Variants in ARHGAP15 observed in about 807,000 individuals in gnomAD.
ARHGAP15 encodes rho GTPase-activating protein 15.
In ARHGAP15, 51 loss-of-function variants were observed where a neutral mutation model predicts 63.7. That is an observed-to-expected ratio of 0.80 (90% CI 0.64 to 1.01). The LOEUF (loss-of-function observed/expected upper bound fraction) is 1.01, where lower values mean the gene tolerates loss of function less well. Ranked by LOEUF, ARHGAP15 falls within the 50% of genes least tolerant of loss-of-function variation. The probability of loss-of-function intolerance (pLI) is 0.00; values close to 1 mark genes in which losing one functional copy is unlikely to be tolerated. For missense variants in ARHGAP15, 560 were observed against 564.6 expected, an observed-to-expected ratio of 0.99 and a Z score of 0.08; for synonymous variants, 191 against 193.8, an observed-to-expected ratio of 0.99 and a Z score of 0.12.
chr2:143,252,278 A>G (rs1680194531), intron 6 of ARHGAP15, among the ~76,000 whole-genome samples: 1 of 152,044 alleles, frequency 6.6e-6, no homozygotes, highest in South Asian at 2.1e-4. Context: ...ATAACTATGA[A>G]CATTATATGC....
intron 11 of ARHGAP15, among the ~76,000 whole-genome samples, chr2:143,567,671 A>G (rs1696285129): frequency 6.6e-6 from 1 of 152,178 alleles, no homozygotes; most frequent in Admixed American, 6.5e-5. Context: ...AGGACCCCCA[A>G]ACTCAGGTGA....
At chr2:143,269,755 GA>G (rs1346736042) in intron 6 of ARHGAP15, among the ~76,000 whole-genome samples, 1 of 151,844 alleles carries the variant, frequency 6.6e-6, no homozygotes, top group East Asian at 1.9e-4. Flanking sequence ...AGAAAATCAA[GA>G]GGAAAATTAT....
intron 12 of ARHGAP15, among the ~76,000 whole-genome samples, chr2:143,673,742 G>GTATA (rs1313470042): frequency 3.9e-5 from 1 of 25,902 alleles, no homozygotes; most frequent in Non-Finnish European, 1.7e-4. Context: ...GTGTGTGTGT[G>GTATA]TGTGTGTGTG....
intron 5 of ARHGAP15, chr2:143,237,871 C>G (rs528795184): frequency 6.6e-6 from 1 of 152,206 alleles, no homozygotes; most frequent in Admixed American, 6.5e-5. Flanking sequence ...TTTTTTGTTA[C>G]TCTTATGTTT....
chr2:143,488,994 G>A (rs190570509), intron 9 of ARHGAP15, among the ~76,000 whole-genome samples: 2 of 152,276 alleles, frequency 1.3e-5, no homozygotes, highest in African/African-American at 4.8e-5. Context: ...AGTACCTTCA[G>A]TTCTGCCTTA....
At chr2:143,423,697 T>C (rs1689026490) in intron 6 of ARHGAP15, among the ~76,000 whole-genome samples, 1 of 152,128 alleles carries the variant, frequency 6.6e-6, no homozygotes, top group Admixed American at 6.6e-5. Flanking sequence ...CAGGAGACAA[T>C]CAATGAATCA....
intron 11 of ARHGAP15, among the ~76,000 whole-genome samples, chr2:143,564,631 G>GA (rs1488444946): frequency 2.6e-5 from 4 of 151,972 alleles, no homozygotes; most frequent in African/African-American, 7.2e-5. Context: ...ATTTGCATTT[G>GA]AAAAAAGGGG....
At chr2:143,575,269 T>C (rs888343786) in intron 11 of ARHGAP15, among the ~76,000 whole-genome samples, 29 of 152,166 alleles carry the variant, frequency 1.9e-4, no homozygotes, top group Non-Finnish European at 1.0e-4. Context: ...ATTGGAGGCA[T>C]GGATTTTAAA....
intron 6 of ARHGAP15, among the ~76,000 whole-genome samples, chr2:143,422,868 C>T (rs572420724): frequency 6.6e-5 from 10 of 152,044 alleles, no homozygotes; most frequent in South Asian, 6.2e-4. Flanking sequence ...AACCACAAGC[C>T]GGAAGCAAGA....
rs746723694 is a variant in ARHGAP15, at chr2:143,487,398, C to T, written c.729C>T (p.Ser243=). The change falls in exon 9 of 14, where the codon TCC becomes TCT. Residue 243 remains serine (S), a synonymous_variant. Transcript: ENST00000295095. The stretch of plus-strand genomic sequence containing the variant: ...TGTTCAGACTGCATCACAGTGCTTC[C>T]GATACAAGCGACAAAAATCGAGTTA... The part of the protein sequence containing the change: ...SLMFRLHHSA[S]DTSDKNRVKS... 16 of 1,613,170 alleles carry T rather than the reference C, an allele frequency of 9.9e-6. No individual in the cohort carries two copies. Among genetic ancestry groups the T allele is most frequent in the African/African-American group, 9.4e-5 (7 of 74,834 alleles).
intron 6 of ARHGAP15, among the ~76,000 whole-genome samples, chr2:143,348,983 T>C (rs76498042): frequency 0.025 from 3,740 of 152,260 alleles, 149 homozygotes; most frequent in African/African-American, 0.086. Flanking sequence ...AATCTGTAAC[T>C]GTTCGATAAG....
chr2:143,143,726 G>T (rs531497701), intron 1 of ARHGAP15, among the ~76,000 whole-genome samples: 1 of 151,886 alleles, frequency 6.6e-6, no homozygotes, highest in Admixed American at 6.6e-5. Flanking sequence ...TACTGCAAAA[G>T]CAATGGAACT....
chr2:143,282,209 A>G (rs1303027967), intron 6 of ARHGAP15, among the ~76,000 whole-genome samples: 1 of 152,022 alleles, frequency 6.6e-6, no homozygotes, highest in Non-Finnish European at 1.5e-5. Context: ...TTTCTCTATT[A>G]CTTTAATAAT....
intron 12 of ARHGAP15, among the ~76,000 whole-genome samples, chr2:143,700,849 T>G (rs1469767171): frequency 6.6e-6 from 1 of 152,176 alleles, no homozygotes; most frequent in African/African-American, 2.4e-5. Context: ...TTGTACTTTT[T>G]TTCTGGTTTA....
At chr2:143,674,250 C>T (rs1682715163) in intron 12 of ARHGAP15, among the ~76,000 whole-genome samples, 1 of 152,010 alleles carries the variant, frequency 6.6e-6, no homozygotes, top group Non-Finnish European at 1.5e-5. Flanking sequence ...GACTCATAAG[C>T]TCATCAAAAG....
chr2:143,451,415 A>G (rs527344068), intron 8 of ARHGAP15, among the ~76,000 whole-genome samples: 2 of 151,952 alleles, frequency 1.3e-5, no homozygotes, highest in Admixed American at 6.6e-5. Flanking sequence ...ACAGAGGAAA[A>G]CTGCCACTGA....
intron 10 of ARHGAP15, among the ~76,000 whole-genome samples, chr2:143,548,490 G>A (rs538677048): frequency 6.6e-6 from 1 of 151,328 alleles, no homozygotes; most frequent in Admixed American, 6.6e-5. Context: ...TAGTATCATA[G>A]GTTCTAAGCC....
intron 6 of ARHGAP15, among the ~76,000 whole-genome samples, chr2:143,322,106 CTTT>C (rs1182036121): frequency 2.0e-5 from 3 of 152,122 alleles, no homozygotes; most frequent in Admixed American, 2.0e-4. Context: ...ACCCAGTGTT[CTTT>C]ATTTCTACTG....
chr2:143,659,275 G>A (rs1396187474), intron 12 of ARHGAP15, among the ~76,000 whole-genome samples: 2 of 152,116 alleles, frequency 1.3e-5, no homozygotes, highest in African/African-American at 2.4e-5. Context: ...TTTCTATTTG[G>A]TGGGGATCTA....
Sources: gnomAD v4.1 joint callset for allele counts (sites outside exome capture counted in the v4.1 genomes callset) on GRCh38, gnomAD v4.1.1 for gene constraint, MANE v1.5 for transcripts, NCBI Gene and HGNC (gene_info 2026-07-23, HGNC 2026-07-21) for gene names.